ESR1: variants seen among roughly 807,000 people sequenced by gnomAD.
The protein encoded by ESR1 is estrogen receptor.
In ESR1, 12 loss-of-function variants were observed where a neutral mutation model predicts 52.7. That is an observed-to-expected ratio of 0.23 (90% confidence interval 0.15 to 0.37). The LOEUF is 0.37. ESR1 is among the 10% of genes least tolerant of loss of function. ESR1 has a pLI of 1.00. For synonymous variants in ESR1, 305 were observed against 316.8 expected, an observed-to-expected ratio of 0.96 and a Z score of 0.39; for missense variants, 584 against 779.7, an observed-to-expected ratio of 0.75 and a Z score of 2.99.
chr6:151,796,733 A>G (rs949137007), intron 2 of ESR1, among the ~76,000 whole-genome samples: 2 of 152,222 alleles, frequency 1.3e-5, no homozygotes, highest in African/African-American at 4.8e-5. Context: ...AAGAGAGATC[A>G]TAAGTAAAGA....
chr6:151,981,453 A>G (rs994521452), intron 4 of ESR1, among the ~76,000 whole-genome samples: 2 of 152,222 alleles, frequency 1.3e-5, no homozygotes, highest in African/African-American at 2.4e-5. Flanking sequence ...GTAAATGACA[A>G]TAAAGAAAAT....
intron 3 of ESR1, among the ~76,000 whole-genome samples, chr6:151,889,306 T>A (rs894895370): frequency 6.6e-6 from 1 of 152,198 alleles, no homozygotes; most frequent in African/African-American, 2.4e-5. Flanking sequence ...TTTTCTTCCA[T>A]AGAGGACTTT....
intron 1 of ESR1, among the ~76,000 whole-genome samples, chr6:151,814,696 T>C (rs1368531148): frequency 6.6e-6 from 1 of 152,244 alleles, no homozygotes; most frequent in Non-Finnish European, 1.5e-5. Context: ...TAGAATTTCT[T>C]TGAAAGTTTG....
chr6:152,079,835 C>T (rs1238510769), intron 6 of ESR1, among the ~76,000 whole-genome samples: 1 of 152,090 alleles, frequency 6.6e-6, no homozygotes, highest in Non-Finnish European at 1.5e-5. Context: ...ATGAGAACTT[C>T]GTGATGTATG....
At chr6:151,697,024 T>C (rs887615165) in intron 1 of ESR1, among the ~76,000 whole-genome samples, 9 of 152,070 alleles carry the variant, frequency 5.9e-5, no homozygotes, top group African/African-American at 2.2e-4. Flanking sequence ...AAGTGCAAGG[T>C]GGTGGTAGGA....
At chr6:151,952,974 C>T (rs954192195) in intron 4 of ESR1, among the ~76,000 whole-genome samples, 6 of 152,178 alleles carry the variant, frequency 3.9e-5, no homozygotes, top group African/African-American at 1.2e-4. Context: ...GTGAAGTTAT[C>T]ACTCCTTTAA....
rs2039960459 is a variant in ESR1, at chr6:151,981,184, A to G, written c.1097-30472A>G. ...GTGGTTCTAGTCTTGTTCATCTTGC[A>G]TTTTAAGGTTTGGAGGTATTTTATC... On this transcript the variant is annotated intron_variant, in intron 4 of 7. Coordinates refer to ENST00000206249, the MANE Select transcript of ESR1 (RefSeq NM_000125.4). Among the ~76,000 whole-genome samples, 4 of 152,154 alleles carry G rather than the reference A, an allele frequency of 2.6e-5. No homozygotes were observed. In the South Asian group the frequency reaches 6.2e-4, roughly 24 times the overall value.
chr6:151,991,018 A>C lies in ESR1; in HGVS notation c.1097-20638A>C, dbSNP rs2040961326. 2.0e-5 allele frequency among the ~76,000 whole-genome samples: 3 copies of C among 152,226 alleles called. 1 individual carries two copies. The South Asian group carries it at 6.2e-4, about 31-fold the overall frequency. On this transcript the variant is annotated intron_variant, in intron 4 of 7. Transcript: ENST00000206249. ...CAATACCACCAGGAGAAAGTCTAGG[A>C]ACCATACCTTCTAAATCCAGGTCTA...
intron 6 of ESR1, among the ~76,000 whole-genome samples, chr6:152,120,569 G>T (rs748842139): frequency 1.3e-5 from 2 of 152,168 alleles, no homozygotes; most frequent in Non-Finnish European, 2.9e-5. Context: ...AAAGTGATCA[G>T]GAAATTTTTC....
chr6:151,801,659 T>C (rs1469443536), upstream of ESR1, among the ~76,000 whole-genome samples: 2 of 152,212 alleles, frequency 1.3e-5, no homozygotes, highest in South Asian at 4.1e-4. Flanking sequence ...GAATACTGAT[T>C]CCATTTGACT....
upstream of ESR1, among the ~76,000 whole-genome samples, chr6:151,685,558 C>A (rs1778633348): frequency 6.6e-6 from 1 of 152,224 alleles, no homozygotes; most frequent in African/African-American, 2.4e-5. Context: ...TGAGACCTTG[C>A]TTCCTGCTGA....
intron 1 of ESR1, among the ~76,000 whole-genome samples, chr6:151,826,030 C>G (rs530053600): frequency 2.0e-4 from 31 of 151,996 alleles, no homozygotes; most frequent in African/African-American, 7.5e-4. Context: ...TGATTTTGCC[C>G]CAGTTGGACA....
intron 2 of ESR1, among the ~76,000 whole-genome samples, chr6:151,782,696 C>G (rs571991296): frequency 4.6e-5 from 7 of 152,232 alleles, no homozygotes; most frequent in Non-Finnish European, 1.0e-4. Flanking sequence ...ATCAAGCTAC[C>G]CTGGTATTAT....
At chr6:152,056,586 A>T (rs1022289470) in intron 5 of ESR1, among the ~76,000 whole-genome samples, 2 of 152,198 alleles carry the variant, frequency 1.3e-5, no homozygotes, top group African/African-American at 4.8e-5. Context: ...TTTTATTTTT[A>T]TAGAGGAGAA....
chr6:151,858,186 G>A (rs1355048822), intron 2 of ESR1, among the ~76,000 whole-genome samples: 1 of 152,180 alleles, frequency 6.6e-6, no homozygotes, highest in Non-Finnish European at 1.5e-5. Context: ...GTGTCAGGTG[G>A]ACATCAGGTA....
chr6:151,777,510 C>T (rs1786123764), intron 2 of ESR1, among the ~76,000 whole-genome samples: 1 of 152,070 alleles, frequency 6.6e-6, no homozygotes, highest in African/African-American at 2.4e-5. Context: ...AGGTATTTCA[C>T]TGGACACATG....
intron 4 of ESR1, among the ~76,000 whole-genome samples, chr6:152,006,647 C>A (rs566817175): frequency 1.3e-5 from 2 of 152,014 alleles, no homozygotes; most frequent in South Asian, 4.2e-4. Context: ...TTTTCCCATA[C>A]TGTACTCTTG....
intron 5 of ESR1, among the ~76,000 whole-genome samples, chr6:152,021,374 G>A (rs370982877): frequency 6.6e-6 from 1 of 152,042 alleles, no homozygotes; most frequent in Non-Finnish European, 1.5e-5. Flanking sequence ...GGGACCTTCC[G>A]ATCATGTAAG....
intron 2 of ESR1, among the ~76,000 whole-genome samples, chr6:151,763,824 A>T (rs1181476381): frequency 6.6e-6 from 1 of 152,198 alleles, no homozygotes; most frequent in Non-Finnish European, 1.5e-5. Context: ...CTTACAGCTG[A>T]TGGGAAACTT....
Sources: gnomAD v4.1 joint callset for allele counts (sites outside exome capture counted in the v4.1 genomes callset) on GRCh38, gnomAD v4.1.1 for gene constraint, MANE v1.5 for transcripts, NCBI Gene and HGNC (gene_info 2026-07-23, HGNC 2026-07-21) for gene names.